The following AP4E1 variants were observed in gnomAD, a reference collection of about 807,000 sequenced individuals.
AP4E1 encodes AP-4 complex subunit epsilon-1.
Under a neutral mutation model 128.2 loss-of-function variants are expected in AP4E1, and 56 were observed. The ratio of observed to expected loss-of-function variants is 0.44; its 90% CI spans 0.35 to 0.55. AP4E1 has a LOEUF of 0.55. AP4E1 is among the 20% of genes least tolerant of loss of function. The probability of loss-of-function intolerance (pLI) is 0.00; values close to 1 mark genes in which losing one functional copy is unlikely to be tolerated. For synonymous variants in AP4E1, 484 were observed against 473.1 expected, an observed-to-expected ratio of 1.02 and a Z score of -0.30; for missense variants, 1,324 against 1,307.7, an observed-to-expected ratio of 1.01 and a Z score of -0.19.
chr15:50,996,633 A>C (rs1466356662), intron 17 of AP4E1, among the ~76,000 whole-genome samples: 1 of 152,106 alleles, frequency 6.6e-6, no homozygotes, highest in Non-Finnish European at 1.5e-5. Flanking sequence ...AGTCTGCTGC[A>C]CTGATTCTAA....
intron 3 of AP4E1, among the ~76,000 whole-genome samples, chr15:50,919,464 G>A (rs935514523): frequency 5.3e-5 from 8 of 151,848 alleles, no homozygotes; most frequent in African/African-American, 1.2e-4. Flanking sequence ...CCTGGGAGGC[G>A]GAGGTTGCGG....
chr15:50,923,094 G>A (rs569219703), intron 3 of AP4E1, among the ~76,000 whole-genome samples: 368 of 152,236 alleles, frequency 2.4e-3, no homozygotes, highest in Non-Finnish European at 3.1e-3. Flanking sequence ...TCATTATATA[G>A]GGATAAAAAG....
intron 16 of AP4E1, among the ~76,000 whole-genome samples, chr15:50,992,845 C>T (rs947369719): frequency 6.6e-6 from 1 of 152,048 alleles, no homozygotes; most frequent in Non-Finnish European, 1.5e-5. Flanking sequence ...TTCAGGGCAA[C>T]TTGAATTTAT....
rs754664264 is a variant in AP4E1, at chr15:50,949,906, T to A, written c.1397T>A (p.Ile466Asn). Residue 466 changes from isoleucine (I) to asparagine (N), a missense_variant, in exon 12 of 21, where the codon ATT becomes AAT. Ile to Asn is a moderately radical substitution (Grantham distance 149). Transcript: ENST00000261842. ...SVGGDVMHPD[I>N]PNNFLRLLAE... ...GGAGGAGATGTAATGCATCCTGATA[T>A]TCCCAATAACTTTCTGAGACTACTA... The A allele has an allele frequency of 1.2e-6, 2 of 1,613,604 alleles. No homozygotes were observed. The highest frequency in any genetic ancestry group is 1.7e-6 in the Non-Finnish European group (2 of 1,179,728).
At chr15:50,960,418 A>G (rs1329820553) in intron 14 of AP4E1, among the ~76,000 whole-genome samples, 1 of 152,190 alleles carries the variant, frequency 6.6e-6, no homozygotes, top group Non-Finnish European at 1.5e-5. Context: ...AATCATAGCA[A>G]GTACCTTCTC....
At chr15:50,953,841 GA>G (rs540450233) in intron 13 of AP4E1, among the ~76,000 whole-genome samples, 6 of 151,080 alleles carry the variant, frequency 4.0e-5, no homozygotes, top group Admixed American at 6.6e-5. Flanking sequence ...GGTGAAGAAG[GA>G]AAAAAAAATC....
rs1021056660 is a variant in AP4E1, at chr15:50,941,542, T to C, written c.1044T>C (p.Pro348=). The C allele has an allele frequency of 3.1e-6, 5 of 1,612,834 alleles. No individual in the cohort carries two copies. Among genetic ancestry groups the C allele is most frequent in the Non-Finnish European group, 4.2e-6 (5 of 1,179,486 alleles). The change falls in exon 9 of 21, where the codon CCT becomes CCC. Residue 348 remains proline (P), a synonymous_variant. Transcript: ENST00000261842. ...GCATTGGAAAATTTGTTCTGTCACCTAAAATAAATCTAAAATATTTAGGTA... is the reference window on the plus strand; with the variant it reads ...GCATTGGAAAATTTGTTCTGTCACCCAAAATAAATCTAAAATATTTAGGTA... The part of the protein sequence containing the change: ...AKCIGKFVLS[P]KINLKYLGLK...
chr15:51,003,406 A>C lies in AP4E1; in HGVS notation c.*744A>C, dbSNP rs959411803. On this transcript the variant is annotated 3_prime_UTR_variant, in exon 21 of 21. Coordinates refer to ENST00000261842, the MANE Select transcript of AP4E1 (RefSeq NM_007347.5). Reference sequence around the variant, plus strand: ...ATAGAAACAAAACCCATAAGAGCACACAGTAACAAAGCAAACAGATACAAA... The same window carrying C: ...ATAGAAACAAAACCCATAAGAGCACCCAGTAACAAAGCAAACAGATACAAA... 1 of 152,464 alleles carries C rather than the reference A, an allele frequency of 6.6e-6. No individual in the cohort carries two copies. The highest frequency in any genetic ancestry group is 1.5e-5 in the Non-Finnish European group (1 of 68,032). 9.4% of individuals were successfully genotyped at this position (152,464 alleles called of 1,614,324 possible). A position where few individuals can be genotyped will look rare whatever the true frequency, so the allele number is the denominator to read the frequency against.
At chr15:50,921,218 G>A (rs1243489476) in intron 3 of AP4E1, among the ~76,000 whole-genome samples, 1 of 152,026 alleles carries the variant, frequency 6.6e-6, no homozygotes, top group Non-Finnish European at 1.5e-5. Flanking sequence ...TCAAACTTCT[G>A]GCCTCAAGCA....
At chr15:50,961,739 G>A (rs2064317158) in intron 14 of AP4E1, among the ~76,000 whole-genome samples, 1 of 152,016 alleles carries the variant, frequency 6.6e-6, no homozygotes, top group African/African-American at 2.4e-5. Flanking sequence ...ACATAGTACT[G>A]GAAGTCCTAG....
rs1381090373 is a variant in AP4E1, at chr15:50,965,000, T to C, written c.1852-3263T>C. On this transcript the variant is annotated intron_variant, in intron 14 of 20. Coordinates refer to ENST00000261842, the MANE Select transcript of AP4E1 (RefSeq NM_007347.5). ...ACACACACACACACACACTGGACTT[T>C]CCCTTTCGCTCCTGCTTTCGCCATG... Among the ~76,000 whole-genome samples, 6 of 81,372 alleles carry C rather than the reference T, an allele frequency of 7.4e-5. No individual in the cohort carries two copies. In the Admixed American group the frequency reaches 8.0e-4, roughly 11 times the overall value. 53.4% of individuals were successfully genotyped at this position (81,372 alleles called of 152,430 possible). A position where few individuals can be genotyped will look rare whatever the true frequency, so the allele number is the denominator to read the frequency against.
chr15:50,971,971 G>C (rs964860479), intron 15 of AP4E1, among the ~76,000 whole-genome samples: 1 of 152,050 alleles, frequency 6.6e-6, no homozygotes, highest in Admixed American at 6.6e-5. Flanking sequence ...TTAGGGGTCT[G>C]TTACTAGAAA....
chr15:50,947,489 A>G (rs990647338), intron 10 of AP4E1, among the ~76,000 whole-genome samples: 9 of 152,136 alleles, frequency 5.9e-5, no homozygotes, highest in Admixed American at 5.2e-4. Context: ...TAGGCTTTGA[A>G]GCATTTGAGC....
chr15:50,940,503 C>T (rs1407377934), intron 8 of AP4E1, among the ~76,000 whole-genome samples: 1 of 152,004 alleles, frequency 6.6e-6, no homozygotes, highest in African/African-American at 2.4e-5. Flanking sequence ...AAGAGAATGT[C>T]GGGTTATATT....
rs759162437 is a variant in AP4E1, at chr15:50,925,086, ATGT to A, written c.421-8_421-6del. 1.9e-6 allele frequency: 3 copies of A among 1,613,706 alleles called. No individual in the cohort carries two copies. Among genetic ancestry groups the A allele is most frequent in the Non-Finnish European group, 2.5e-6 (3 of 1,179,830 alleles). On this transcript the variant is annotated splice_polypyrimidine_tract_variant and intron_variant, in intron 4 of 20. Transcript: ENST00000261842. ...TTACACTAAATGTTTTCTTTGCTTA[ATGT>A]TGTGCCAGGATCTGCAGAGCACTAA...
chr15:50,926,587 G>A (rs1290908292), intron 5 of AP4E1, among the ~76,000 whole-genome samples: 2 of 150,806 alleles, frequency 1.3e-5, no homozygotes, highest in African/African-American at 4.9e-5. Flanking sequence ...GCAAAATGTT[G>A]TTTTATAGCT....
chr15:51,000,141 C>CTTTTT (rs11383470), intron 19 of AP4E1, among the ~76,000 whole-genome samples: 2 of 120,784 alleles, frequency 1.7e-5, no homozygotes. Flanking sequence ...TTTGTTCATT[C>CTTTTT]TTTTTTTTTT....
intron 13 of AP4E1, among the ~76,000 whole-genome samples, chr15:50,955,028 C>CT (rs1274529571): frequency 6.6e-6 from 1 of 152,116 alleles, no homozygotes; most frequent in African/African-American, 2.4e-5. Context: ...CGAACTCATC[C>CT]TTTTTATGGC....
rs1388371743 is a variant in AP4E1 at position 50,958,475 on chromosome 15, C to T, written c.1549-17C>T. The T allele has an allele frequency of 3.1e-6, 5 of 1,593,758 alleles. No homozygotes were observed. Among genetic ancestry groups the T allele is most frequent in the Non-Finnish European group, 4.3e-6 (5 of 1,165,570 alleles). On this transcript the variant is annotated splice_polypyrimidine_tract_variant and intron_variant, in intron 13 of 20. Coordinates refer to ENST00000261842, the MANE Select transcript of AP4E1 (RefSeq NM_007347.5). ...ACTTGATATTTCTATATGAATATCT[C>T]TTTGTTTTATTTACAGGTATTAGGG...
Sources: gnomAD v4.1 joint callset for allele counts (sites outside exome capture counted in the v4.1 genomes callset) on GRCh38, gnomAD v4.1.1 for gene constraint, MANE v1.5 for transcripts, NCBI Gene and HGNC (gene_info 2026-07-23, HGNC 2026-07-21) for gene names.